Variants in PTPRR observed in about 807,000 individuals in gnomAD.
The protein encoded by PTPRR is receptor-type tyrosine-protein phosphatase R.
Under a neutral mutation model 77.2 loss-of-function variants are expected in PTPRR, and 38 were observed. The ratio of observed to expected loss-of-function variants is 0.49; its 90% CI spans 0.38 to 0.65. The LOEUF (loss-of-function observed/expected upper bound fraction) is 0.65, where lower values mean the gene tolerates loss of function less well. PTPRR is among the 30% of genes least tolerant of loss of function. The pLI, the probability that PTPRR is intolerant of heterozygous loss-of-function variation, is 0.00. For missense variants in PTPRR, 744 were observed against 799.2 expected (o/e 0.93, Z 0.83); for synonymous variants, 299 against 283.1 (o/e 1.06, Z -0.57).
chr12:70,728,519 C>A (rs1889535819), intron 6 of PTPRR, among the ~76,000 whole-genome samples: 2 of 84,364 alleles, frequency 2.4e-5, no homozygotes, highest in African/African-American at 5.4e-5. Context: ...GCAAATATTC[C>A]AAAATCTGAA....
intron 13 of PTPRR, among the ~76,000 whole-genome samples, chr12:70,639,996 C>T (rs1885938207): frequency 6.6e-6 from 1 of 152,136 alleles, no homozygotes; most frequent in Non-Finnish European, 1.5e-5. Context: ...AGGGAATTGG[C>T]TCTGCTGTGA....
At chr12:70,806,881 C>T (rs1366283785) in intron 2 of PTPRR, among the ~76,000 whole-genome samples, 2 of 152,122 alleles carry the variant, frequency 1.3e-5, no homozygotes, top group East Asian at 3.9e-4. Flanking sequence ...GGGGATAGTA[C>T]TGGGAGATTG....
intron 2 of PTPRR, among the ~76,000 whole-genome samples, chr12:70,782,131 G>A (rs1891215618): frequency 6.6e-6 from 1 of 152,142 alleles, no homozygotes; most frequent in Admixed American, 6.5e-5. Context: ...ATATTCAGGA[G>A]CTTCTTGAAT....
intron 2 of PTPRR, among the ~76,000 whole-genome samples, chr12:70,877,809 A>C (rs143738715): frequency 2.0e-5 from 3 of 152,316 alleles, no homozygotes; most frequent in African/African-American, 7.2e-5. Flanking sequence ...CTAAGCCAAA[A>C]GAACAAAGCT....
chr12:70,908,105 C>G (rs901260007), intron 1 of PTPRR, among the ~76,000 whole-genome samples: 4 of 152,092 alleles, frequency 2.6e-5, no homozygotes, highest in African/African-American at 9.7e-5. Flanking sequence ...CTCCAGACAA[C>G]TTAAAAACTG....
At chr12:70,800,766 G>A (rs1891600628) in intron 2 of PTPRR, among the ~76,000 whole-genome samples, 1 of 151,990 alleles carries the variant, frequency 6.6e-6, no homozygotes, top group Admixed American at 6.6e-5. Context: ...GTGGTGACAC[G>A]TGCCTGTAAT....
intron 10 of PTPRR, among the ~76,000 whole-genome samples, chr12:70,668,765 C>A (rs1003700902): frequency 6.6e-6 from 1 of 152,024 alleles, no homozygotes; most frequent in Non-Finnish European, 1.5e-5. Context: ...GCAATGTACT[C>A]CATTAATGTA....
At chr12:70,798,281 G>A (rs1325359231) in intron 2 of PTPRR, among the ~76,000 whole-genome samples, 1 of 151,930 alleles carries the variant, frequency 6.6e-6, no homozygotes, top group Non-Finnish European at 1.5e-5. Context: ...ATTTTTATCT[G>A]TCTCCACTGT....
Position 70,899,919 on chromosome 12 carries a change from A to G in PTPRR, c.59-6942T>C, listed in dbSNP as rs151258601. On this transcript the variant is annotated intron_variant, in intron 1 of 13. Transcript: ENST00000283228. Reference sequence around the variant, plus strand: ...ATGTATAATTGAAAACTAGAAGTAAAAAAAACAAACTGACCCAAAAATAAA... The same window carrying G: ...ATGTATAATTGAAAACTAGAAGTAAGAAAAACAAACTGACCCAAAAATAAA... 2.7e-4 allele frequency among the ~76,000 whole-genome samples: 41 copies of G among 151,630 alleles called. No individual in the cohort carries two copies. In the East Asian group the frequency reaches 7.8e-3, roughly 29 times the overall value.
chr12:70,881,586 A>T (rs904779651), intron 2 of PTPRR, among the ~76,000 whole-genome samples: 2 of 152,236 alleles, frequency 1.3e-5, no homozygotes, highest in African/African-American at 2.4e-5. Flanking sequence ...AAATGGAAAG[A>T]TATCTAAAGT....
chr12:70,819,190 G>C (rs146983770), intron 2 of PTPRR, among the ~76,000 whole-genome samples: 1 of 152,136 alleles, frequency 6.6e-6, no homozygotes, highest in Non-Finnish European at 1.5e-5. Flanking sequence ...GTGTGGTGGC[G>C]CATGCCTGTA....
At chr12:70,697,587 C>T (rs78073053) in intron 8 of PTPRR, among the ~76,000 whole-genome samples, 5,209 of 151,838 alleles carry the variant, frequency 0.034, 277 homozygotes, top group African/African-American at 0.12. Context: ...TTTTTTTTTG[C>T]TGCTGTTTGT....
intron 8 of PTPRR, among the ~76,000 whole-genome samples, chr12:70,692,904 G>A (rs984424975): frequency 1.6e-4 from 25 of 152,168 alleles, no homozygotes; most frequent in Non-Finnish European, 1.3e-4. Context: ...GGCAAAGGCT[G>A]TATTTAATTC....
intron 6 of PTPRR, among the ~76,000 whole-genome samples, chr12:70,718,096 G>T (rs926742585): frequency 2.0e-5 from 3 of 152,076 alleles, no homozygotes; most frequent in Non-Finnish European, 4.4e-5. Flanking sequence ...GTCTGAATCA[G>T]GATAAAATGA....
chr12:70,678,949 T>G (rs1887553721), intron 10 of PTPRR, among the ~76,000 whole-genome samples: 2 of 152,212 alleles, frequency 1.3e-5, no homozygotes, highest in Non-Finnish European at 2.9e-5. Context: ...CCCAAAGTGC[T>G]GGGATTACAA....
chr12:70,711,862 A>C (rs2136816807), intron 6 of PTPRR, among the ~76,000 whole-genome samples: 1 of 152,272 alleles, frequency 6.6e-6, no homozygotes, highest in Non-Finnish European at 1.5e-5. Context: ...GCCTTTACCT[A>C]AAATGAACTC....
chr12:70,788,360 A>T (rs1400363061), intron 2 of PTPRR, among the ~76,000 whole-genome samples: 14 of 152,220 alleles, frequency 9.2e-5, no homozygotes, highest in Non-Finnish European at 4.4e-5. Context: ...ATTATTATAA[A>T]AATGTCTAGA....
chr12:70,675,547 A>G (rs1272469830), intron 10 of PTPRR, among the ~76,000 whole-genome samples: 2 of 152,020 alleles, frequency 1.3e-5, no homozygotes, highest in African/African-American at 4.8e-5. Context: ...GAAATATTTT[A>G]ACTTTCCTCA....
intron 2 of PTPRR, among the ~76,000 whole-genome samples, chr12:70,857,248 A>C (rs1175908539): frequency 1.3e-5 from 2 of 152,158 alleles, no homozygotes; most frequent in Non-Finnish European, 2.9e-5. Context: ...AAAGCTGAGA[A>C]AGAACAGACA....
Sources: allele counts gnomAD v4.1 joint callset (sites outside exome capture counted in the v4.1 genomes callset), GRCh38; gene constraint gnomAD v4.1.1; transcripts MANE v1.5; gene names NCBI Gene and HGNC (gene_info 2026-07-23, HGNC 2026-07-21).